The following NCKAP5 variants were observed in gnomAD, a reference collection of about 807,000 sequenced individuals.
NCKAP5 encodes the protein nck-associated protein 5.
NCKAP5 carries 92 observed loss-of-function variants against 167.0 expected under a neutral mutation model. That is an observed-to-expected ratio of 0.55 (90% CI 0.47 to 0.66). NCKAP5 has a LOEUF of 0.66. Among genes scored for constraint, NCKAP5 ranks in the 30% least tolerant of loss-of-function variants. The pLI, the probability that NCKAP5 is intolerant of heterozygous loss-of-function variation, is 0.00. For missense variants in NCKAP5, 2,378 were observed against 2,315.0 expected (o/e 1.03, Z -0.56); for synonymous variants, 891 against 877.4 (o/e 1.02, Z -0.27).
intron 11 of NCKAP5, among the ~76,000 whole-genome samples, chr2:132,803,507 T>C (rs1685195337): frequency 6.6e-6 from 1 of 152,222 alleles, no homozygotes; most frequent in Admixed American, 6.5e-5. Flanking sequence ...CCCACTTCCA[T>C]GACAGCCTGA....
the NCKAP5 span, among the ~76,000 whole-genome samples, chr2:133,601,606 A>T: frequency 3.3e-5 from 5 of 152,138 alleles, no homozygotes; most frequent in African/African-American, 1.2e-4. Flanking sequence ...GGTGGTGGGC[A>T]CCTGTAATCC....
chr2:132,886,452 CCTAAT>C (rs1692228384), intron 8 of NCKAP5, among the ~76,000 whole-genome samples: 1 of 152,186 alleles, frequency 6.6e-6, no homozygotes, highest in Non-Finnish European at 1.5e-5. Context: ...GATGCAATAG[CCTAAT>C]CTACTCTACA....
At chr2:133,170,122 A>G (rs916462978) in intron 5 of NCKAP5, among the ~76,000 whole-genome samples, 1 of 152,172 alleles carries the variant, frequency 6.6e-6, no homozygotes, top group Non-Finnish European at 1.5e-5. Flanking sequence ...ACTCTTTAAA[A>G]TGGCCAGAAG....
chr2:133,115,777 A>G (rs200682796), intron 6 of NCKAP5, among the ~76,000 whole-genome samples: 663 of 34,468 alleles, frequency 0.019, 6 homozygotes, highest in East Asian at 0.041. Flanking sequence ...GTGTGTGTGT[A>G]TATATATATA....
At chr2:133,346,102 C>A (rs1457156764) in intron 3 of NCKAP5, among the ~76,000 whole-genome samples, 1 of 152,172 alleles carries the variant, frequency 6.6e-6, no homozygotes, top group South Asian at 2.1e-4. Flanking sequence ...ATCACTTCCA[C>A]CACTCCACCC....
At chr2:132,711,043 C>T (rs1688790792) in intron 19 of NCKAP5, among the ~76,000 whole-genome samples, 1 of 152,184 alleles carries the variant, frequency 6.6e-6, no homozygotes, top group Admixed American at 6.5e-5. Flanking sequence ...TAGGTACCTC[C>T]TGCGTGCCGG....
At chr2:133,172,802 C>T (rs979373104) in intron 5 of NCKAP5, among the ~76,000 whole-genome samples, 1 of 152,170 alleles carries the variant, frequency 6.6e-6, no homozygotes, top group East Asian at 1.9e-4. Context: ...CGCCCACCAA[C>T]ACGCCCAGCT....
chr2:132,693,963 C>T (rs1314829694), intron 19 of NCKAP5, among the ~76,000 whole-genome samples: 1 of 151,960 alleles, frequency 6.6e-6, no homozygotes, highest in Non-Finnish European at 1.5e-5. Flanking sequence ...ATGGCAGCTC[C>T]TGGGAAACCA....
intron 6 of NCKAP5, among the ~76,000 whole-genome samples, chr2:133,082,356 T>C (rs1203026421): frequency 6.6e-6 from 1 of 152,156 alleles, no homozygotes; most frequent in Admixed American, 6.6e-5. Context: ...GTGAATACAA[T>C]GTGCTGAAGC....
chr2:133,293,034 C>A (rs1248439433), intron 4 of NCKAP5, among the ~76,000 whole-genome samples: 1 of 152,130 alleles, frequency 6.6e-6, no homozygotes, highest in Non-Finnish European at 1.5e-5. Context: ...AGCCTTGGTT[C>A]AAAATGCCAC....
intron 16 of NCKAP5, among the ~76,000 whole-genome samples, chr2:132,733,964 A>G (rs1278601017): frequency 6.6e-6 from 1 of 152,146 alleles, no homozygotes; most frequent in Non-Finnish European, 1.5e-5. Context: ...TTTCTCCACT[A>G]TGGTGTCATT....
At chr2:133,248,569 A>G (rs1037267693) in intron 4 of NCKAP5, among the ~76,000 whole-genome samples, 4 of 152,218 alleles carry the variant, frequency 2.6e-5, no homozygotes, top group African/African-American at 4.8e-5. Context: ...TTCTAGTCCA[A>G]ATTCTGAGGT....
At chr2:132,832,816 C>T (rs911494000) in intron 11 of NCKAP5, among the ~76,000 whole-genome samples, 2 of 152,158 alleles carry the variant, frequency 1.3e-5, no homozygotes, top group Non-Finnish European at 2.9e-5. Context: ...GTGAACAGTG[C>T]TGTGATAAAC....
At chr2:132,716,677 G>A (rs996344424) in intron 19 of NCKAP5, among the ~76,000 whole-genome samples, 3 of 152,030 alleles carry the variant, frequency 2.0e-5, no homozygotes, top group Admixed American at 1.3e-4. Flanking sequence ...TCTCATTAGG[G>A]TCCCCAGGCT....
At chr2:133,160,531 G>A (rs756331627) in intron 5 of NCKAP5, among the ~76,000 whole-genome samples, 1 of 148,712 alleles carries the variant, frequency 6.7e-6, no homozygotes. Context: ...AGAACTCCCA[G>A]GTCATATTCT....
At chr2:132,892,476 C>G (rs559206933) in intron 8 of NCKAP5, among the ~76,000 whole-genome samples, 1 of 152,204 alleles carries the variant, frequency 6.6e-6, no homozygotes, top group Admixed American at 6.5e-5. Flanking sequence ...GACTTTCAAG[C>G]TAGGGTGGAC....
intron 4 of NCKAP5, among the ~76,000 whole-genome samples, chr2:133,294,206 T>C (rs561957168): frequency 6.6e-6 from 1 of 152,312 alleles, no homozygotes; most frequent in Admixed American, 6.5e-5. Context: ...CATTAAGAAT[T>C]CATGCAGAGC....
intron 2 of NCKAP5, among the ~76,000 whole-genome samples, chr2:133,551,408 G>A (rs1687281570): frequency 8.1e-6 from 1 of 123,158 alleles, no homozygotes; most frequent in Non-Finnish European, 1.7e-5. Context: ...ATAGATCAAT[G>A]GAACAGAACA....
Position 133,484,755 on chromosome 2 carries a change from G to A in NCKAP5, c.69+32703C>T, listed in dbSNP as rs1218709583. Among the ~76,000 whole-genome samples the A allele has an allele frequency of 2.6e-5, 4 of 152,190 alleles. No individual in the cohort carries two copies. In the East Asian group the frequency reaches 7.7e-4, roughly 29 times the overall value. On this transcript the variant is annotated intron_variant, in intron 3 of 19. Coordinates refer to ENST00000409261, the MANE Select transcript of NCKAP5 (RefSeq NM_207363.3). ...AAGGTGTATGTGAAATATAAATGAA[G>A]TTGGGTCCCATCCCAAGATATCTCA...
Sources: allele counts gnomAD v4.1 joint callset (sites outside exome capture counted in the v4.1 genomes callset), GRCh38; gene constraint gnomAD v4.1.1; transcripts MANE v1.5; gene names NCBI Gene and HGNC (gene_info 2026-07-23, HGNC 2026-07-21).